The following FBXO21 variants were observed in gnomAD, a reference collection of about 807,000 sequenced individuals.
FBXO21 encodes the protein F-box only protein 21.
In FBXO21, 32 loss-of-function variants were observed where a neutral mutation model predicts 76.6. The ratio of observed to expected loss-of-function variants is 0.42; its 90% confidence interval spans 0.32 to 0.56. The LOEUF (loss-of-function observed/expected upper bound fraction) is 0.56, where lower values mean the gene tolerates loss of function less well. Ranked by LOEUF, FBXO21 falls within the 20% of genes least tolerant of loss-of-function variation. The probability of loss-of-function intolerance (pLI) is 0.16; values close to 1 mark genes in which losing one functional copy is unlikely to be tolerated. For missense variants in FBXO21, 586 were observed against 797.3 expected (o/e 0.73, Z 3.19); for synonymous variants, 328 against 311.5 (o/e 1.05, Z -0.56).
chr12:117,185,657 G>A (rs1956274336), intron 3 of FBXO21, among the ~76,000 whole-genome samples: 1 of 152,156 alleles, frequency 6.6e-6, no homozygotes. Context: ...TTTCTGACTG[G>A]AAGATAAAAG....
At chr12:117,171,771 T>C (rs1956120442) in intron 7 of FBXO21, among the ~76,000 whole-genome samples, 1 of 152,194 alleles carries the variant, frequency 6.6e-6, no homozygotes, top group Non-Finnish European at 1.5e-5. Context: ...CATAGGTAAA[T>C]AACTTTTTTC....
At chr12:117,180,189 A>T (rs1317282266) in intron 3 of FBXO21, among the ~76,000 whole-genome samples, 1 of 152,206 alleles carries the variant, frequency 6.6e-6, no homozygotes, top group East Asian at 1.9e-4. Context: ...TTGGACATAC[A>T]ATCAGTCTTT....
intron 3 of FBXO21, among the ~76,000 whole-genome samples, chr12:117,186,243 G>A (rs1470223548): frequency 6.6e-6 from 1 of 152,196 alleles, no homozygotes; most frequent in Non-Finnish European, 1.5e-5. Context: ...TTGACCCATA[G>A]TAGTGCTAAA....
chr12:117,182,237 T>C (rs953973478), intron 3 of FBXO21, among the ~76,000 whole-genome samples: 2 of 152,338 alleles, frequency 1.3e-5, no homozygotes, highest in South Asian at 2.1e-4. Context: ...CTCACACTTA[T>C]AGTCCTAGTA....
chr12:117,171,651 G>A (rs1263562295), intron 7 of FBXO21, among the ~76,000 whole-genome samples: 1 of 152,158 alleles, frequency 6.6e-6, no homozygotes, highest in African/African-American at 2.4e-5. Flanking sequence ...CTCAGAGGAA[G>A]GCAAAGTTTG....
chr12:117,162,888 C>T (rs369883544), intron 9 of FBXO21, among the ~76,000 whole-genome samples: 2 of 152,310 alleles, frequency 1.3e-5, no homozygotes, highest in Non-Finnish European at 2.9e-5. Context: ...ACTGGAGTCA[C>T]GTACTTTTCT....
intron 3 of FBXO21, among the ~76,000 whole-genome samples, chr12:117,179,070 C>A (rs895229672): frequency 2.0e-5 from 3 of 152,170 alleles, no homozygotes; most frequent in African/African-American, 4.8e-5. Flanking sequence ...TGAAACTTAT[C>A]TGGCTGACAT....
intron 6 of FBXO21, among the ~76,000 whole-genome samples, chr12:117,173,122 G>C (rs1956134633): frequency 6.6e-6 from 1 of 151,538 alleles, no homozygotes; most frequent in Non-Finnish European, 1.5e-5. Flanking sequence ...GCAACCTTTC[G>C]GGTACAAGCA....
intron 11 of FBXO21, among the ~76,000 whole-genome samples, chr12:117,154,655 C>A (rs991693849): frequency 1.3e-5 from 2 of 152,194 alleles, no homozygotes; most frequent in Non-Finnish European, 2.9e-5. Flanking sequence ...GAGATGAGGT[C>A]TTGCTGTGTT....
intron 9 of FBXO21, among the ~76,000 whole-genome samples, chr12:117,159,605 C>A (rs998331315): frequency 4.6e-5 from 7 of 152,214 alleles, no homozygotes; most frequent in African/African-American, 9.7e-5. Context: ...TGTGCCTCTA[C>A]CTCCAGCCGG....
At chr12:117,154,898 G>A (rs532230042) in intron 11 of FBXO21, among the ~76,000 whole-genome samples, 154 of 152,314 alleles carry the variant, frequency 1.0e-3, no homozygotes, top group Middle Eastern at 3.4e-3. Flanking sequence ...AGGAGGCTCT[G>A]TCAAGCTGCC....
intron 3 of FBXO21, among the ~76,000 whole-genome samples, chr12:117,183,855 G>A (rs1250933811): frequency 6.6e-6 from 1 of 152,126 alleles, no homozygotes; most frequent in Non-Finnish European, 1.5e-5. Flanking sequence ...TTGGAAAAAT[G>A]TTTGCATATG....
intron 9 of FBXO21, among the ~76,000 whole-genome samples, chr12:117,162,813 C>A (rs1260290656): frequency 6.6e-6 from 1 of 152,188 alleles, no homozygotes; most frequent in African/African-American, 2.4e-5. Context: ...GAAATCCGTG[C>A]TAGGCTGACA....
At chr12:117,175,036 T>C (rs548193350) in intron 4 of FBXO21, among the ~76,000 whole-genome samples, 237 of 152,214 alleles carry the variant, frequency 1.6e-3, no homozygotes, top group Non-Finnish European at 2.7e-3. Context: ...TCAGAAGTCA[T>C]GGACTAAAAA....
In FBXO21 at chr12:117,146,027, G is replaced by T; in HGVS notation, c.*60C>A. 1 of 1,407,244 alleles carries T rather than the reference G, an allele frequency of 7.1e-7. No homozygotes were observed. The highest frequency in any genetic ancestry group is 2.4e-5 in the Admixed American group (1 of 41,564). 87.2% of individuals were successfully genotyped at this position (1,407,244 alleles called of 1,614,324 possible). A position where few individuals can be genotyped will look rare whatever the true frequency, so the allele number is the denominator to read the frequency against. On this transcript the variant is annotated 3_prime_UTR_variant, in exon 12 of 12. Coordinates refer to ENST00000622495, the MANE Select transcript of FBXO21 (RefSeq NM_015002.3). ...GGGCTCCGTGGAGACGTCTTCTTCC[G>T]GAGTCCCGTTCTCTTGGAAGATAGC...
intron 4 of FBXO21, among the ~76,000 whole-genome samples, chr12:117,175,840 G>C (rs1332959628): frequency 6.6e-6 from 1 of 152,194 alleles, no homozygotes; most frequent in East Asian, 1.9e-4. Flanking sequence ...GCTTCTCAAT[G>C]CTTATGACAC....
intron 3 of FBXO21, among the ~76,000 whole-genome samples, chr12:117,180,248 A>G (rs974137357): frequency 6.6e-6 from 1 of 152,226 alleles, no homozygotes; most frequent in Non-Finnish European, 1.5e-5. Context: ...TCAAGATGAC[A>G]ATCTGGAAAC....
At chr12:117,190,044 G>C (rs573282180) in intron 1 of FBXO21, among the ~76,000 whole-genome samples, 174 bp downstream of exon 1, 1 of 151,916 alleles carries the variant, frequency 6.6e-6, no homozygotes, top group African/African-American at 2.4e-5. Flanking sequence ...GGGTCCGCCT[G>C]GCGTGGCCCC....
intron 11 of FBXO21, among the ~76,000 whole-genome samples, chr12:117,154,048 A>C (rs1955881131): frequency 6.6e-6 from 1 of 152,222 alleles, no homozygotes; most frequent in Non-Finnish European, 1.5e-5. Flanking sequence ...GGTGTTGTTG[A>C]AAAGAAAATG....
Sources: allele counts gnomAD v4.1 joint callset (sites outside exome capture counted in the v4.1 genomes callset), GRCh38; gene constraint gnomAD v4.1.1; transcripts MANE v1.5; gene names NCBI Gene and HGNC (gene_info 2026-07-23, HGNC 2026-07-21).